Variants in BICD1 observed in about 807,000 individuals in gnomAD.
BICD1 encodes the protein BICD cargo adaptor 1.
In BICD1, 35 loss-of-function variants were observed where a neutral mutation model predicts 92.5. That is an observed-to-expected ratio of 0.38 (90% CI 0.29 to 0.50). BICD1 has a LOEUF of 0.50. BICD1 is among the 20% of genes least tolerant of loss of function. BICD1 has a pLI of 0.93. For synonymous variants in BICD1, 429 were observed against 465.1 expected, an observed-to-expected ratio of 0.92 and a Z score of 1.00; for missense variants, 950 against 1,189.8, an observed-to-expected ratio of 0.80 and a Z score of 2.97.
intron 2 of BICD1, among the ~76,000 whole-genome samples, chr12:32,252,295 G>A (rs1232581944): frequency 6.8e-6 from 1 of 147,548 alleles, no homozygotes; most frequent in Non-Finnish European, 1.5e-5. Context: ...GGAGGTTTTC[G>A]ATGGTCCTAG....
intron 8 of BICD1, among the ~76,000 whole-genome samples, chr12:32,359,809 A>G (rs1250722874): frequency 6.6e-6 from 1 of 152,178 alleles, no homozygotes; most frequent in Non-Finnish European, 1.5e-5. Context: ...CAAGTTAGCA[A>G]AGATAATAAC....
chr12:32,328,926 A>T lies in BICD1; in HGVS notation c.2100+371A>T, dbSNP rs1481289654. On this transcript the variant is annotated intron_variant, in intron 5 of 9. Transcript: ENST00000652176. This position sits in a 1 kb window ranked among gnomAD's most constrained non-coding sequence, Gnocchi z 4.4. ...TAGGCTGGCAAGGCAGGTTACACCA[A>T]CCAGGGCGATACAGCAAGAAAGACA... Among the ~76,000 whole-genome samples, 3 of 152,042 alleles carry T rather than the reference A, an allele frequency of 2.0e-5. No homozygotes were observed. Among genetic ancestry groups the T allele is most frequent in the African/African-American group, 7.2e-5 (3 of 41,390 alleles).
chr12:32,332,959 A>G (rs554087384), intron 5 of BICD1: 1 of 985,390 alleles, frequency 1.0e-6, no homozygotes. Flanking sequence ...AAAATTACTT[A>G]ATTCTGGAAA....
At chr12:32,309,019 A>T (rs1284317881) in intron 4 of BICD1, among the ~76,000 whole-genome samples, 1 of 152,200 alleles carries the variant, frequency 6.6e-6, no homozygotes, top group African/African-American at 2.4e-5. Context: ...GTTTTTAAAA[A>T]GCATGTCAGC....
Position 32,294,080 on chromosome 12 carries a change from C to T in BICD1, c.513C>T (p.Asp171=), listed in dbSNP as rs202181343. The change falls in exon 3 of 10, where the codon GAC becomes GAT. Residue 171 remains aspartate (D), a synonymous_variant. Transcript: ENST00000652176. The part of the protein sequence containing the change: ...YKFREARLLQ[D]YTELEEENIT... The stretch of plus-strand genomic sequence containing the variant: ...TCCGGGAGGCACGGCTCCTTCAGGA[C>T]TATACTGAATTGGAAGAAGAAAATA... 7.0e-5 allele frequency: 113 copies of T among 1,612,052 alleles called. No homozygotes were observed. Among genetic ancestry groups the T allele is most frequent in the Non-Finnish European group, 9.4e-5 (111 of 1,179,624 alleles).
At chr12:32,301,415 A>G (rs1014212159) in intron 3 of BICD1, among the ~76,000 whole-genome samples, 12 of 152,140 alleles carry the variant, frequency 7.9e-5, no homozygotes, top group Non-Finnish European at 5.9e-5. Flanking sequence ...AGTCAGTCAC[A>G]GGGCAGGAGC....
intron 1 of BICD1, among the ~76,000 whole-genome samples, chr12:32,161,605 A>G (rs1302902381): frequency 6.6e-6 from 1 of 152,220 alleles, no homozygotes; most frequent in Non-Finnish European, 1.5e-5. Flanking sequence ...AATTCTAGAA[A>G]TGCCTGATGG....
intron 2 of BICD1, among the ~76,000 whole-genome samples, chr12:32,226,332 A>G (rs907798830): frequency 6.6e-6 from 1 of 151,396 alleles, no homozygotes; most frequent in East Asian, 2.0e-4. Flanking sequence ...ACAGGGTTTC[A>G]CCATGTTGGT....
intron 1 of BICD1, among the ~76,000 whole-genome samples, chr12:32,159,125 G>T (rs1269619353): frequency 6.6e-6 from 1 of 151,960 alleles, no homozygotes; most frequent in Non-Finnish European, 1.5e-5. Flanking sequence ...ATAGAGACGG[G>T]GTTTCATCAC....
rs139793529 is a variant in BICD1, at chr12:32,370,013, C to T, written c.2840+2268C>T. 1.2e-3 allele frequency among the ~76,000 whole-genome samples: 177 copies of T among 152,326 alleles called. 2 individuals are homozygous for T. Among genetic ancestry groups the T allele is most frequent in the African/African-American group, 4.1e-3 (170 of 41,588 alleles). On this transcript the variant is annotated intron_variant, in intron 9 of 9. Transcript: ENST00000652176. The stretch of plus-strand genomic sequence containing the variant: ...TGATTGTTCCCACCACCTTCAGCAA[C>T]AGGGCTTTAAGAAAGGTTTTTCGCT...
intron 9 of BICD1, among the ~76,000 whole-genome samples, chr12:32,376,633 C>T (rs1345211158): frequency 6.6e-6 from 1 of 151,728 alleles, no homozygotes; most frequent in Non-Finnish European, 1.5e-5. Flanking sequence ...TTGGGGAGGC[C>T]GAGGCAGGTG....
intron 1 of BICD1, among the ~76,000 whole-genome samples, chr12:32,178,018 A>C (rs1161145952): frequency 2.0e-5 from 3 of 151,338 alleles, no homozygotes; most frequent in Non-Finnish European, 4.4e-5. Context: ...GATTATGGGC[A>C]TTTTTGTTTA....
rs576396740 is a variant in BICD1 at position 32,287,531 on chromosome 12, G to GTTTT, written c.427-6455_427-6452dup. On this transcript the variant is annotated intron_variant, in intron 2 of 9. Coordinates refer to ENST00000652176, the MANE Select transcript of BICD1 (RefSeq NM_001714.4). ...TTTGGGCTGTGCTCAGCTGGGTGGT[G>GTTTT]TTTTTTTTTTTGTTTTTTTTTTTGA... Among the ~76,000 whole-genome samples the GTTTT allele has an allele frequency of 3.4e-3, 410 of 120,114 alleles. 9 individuals are homozygous for GTTTT. Among genetic ancestry groups the GTTTT allele is most frequent in the East Asian group, 0.014 (63 of 4,526 alleles). The allele number at this position is 120,114 out of a possible 152,430, so 78.8% of individuals were successfully genotyped here.
intron 8 of BICD1, among the ~76,000 whole-genome samples, chr12:32,354,619 G>C (rs1165774816): frequency 6.6e-6 from 1 of 152,144 alleles, no homozygotes; most frequent in Non-Finnish European, 1.5e-5. Flanking sequence ...TCATCTGTGG[G>C]TACTTTTAGA....
At chr12:32,263,480 A>T (rs1353521360) in intron 2 of BICD1, among the ~76,000 whole-genome samples, 1 of 151,242 alleles carries the variant, frequency 6.6e-6, no homozygotes, top group Admixed American at 6.6e-5. Context: ...CGGGAGGCAG[A>T]GGTTGCAGTG....
chr12:32,312,352 T>C (rs1185272202), intron 4 of BICD1, among the ~76,000 whole-genome samples: 3 of 152,250 alleles, frequency 2.0e-5, no homozygotes, highest in Non-Finnish European at 2.9e-5. Flanking sequence ...GACTTCTGCA[T>C]TGAAGCCCTG....
At position 32,327,799 on chromosome 12, in the gene BICD1, C is replaced by A; in HGVS notation, c.1344C>A (p.Tyr448Ter). Reference protein sequence around the residue: ...KEKYNKSVENYTDEKAKYESK... With the variant: ...KEKYNKSVEN ...AATATAATAAATCTGTAGAAAACTA[C>A]ACTGATGAGAAGGCCAAGTATGAGA... The change falls in exon 5 of 10, where the codon TAC (tyrosine) becomes TAA (stop). Residue 448 changes from tyrosine to a stop codon, truncating the protein, a stop_gained. Coordinates refer to ENST00000652176, the MANE Select transcript of BICD1 (RefSeq NM_001714.4). LOFTEE classifies it high-confidence loss of function. 1 of 1,614,072 alleles carries A rather than the reference C, an allele frequency of 6.2e-7. No individual in the cohort carries two copies. The highest frequency in any genetic ancestry group is 8.5e-7 in the Non-Finnish European group (1 of 1,180,020).
intron 7 of BICD1, chr12:32,338,576 A>G (rs1038902692): frequency 2.0e-4 from 90 of 451,944 alleles, no homozygotes; most frequent in African/African-American, 1.8e-3. Flanking sequence ...ACTAACTGTA[A>G]TAAATCTTTT....
chr12:32,375,504 T>G (rs1939919855), intron 9 of BICD1, among the ~76,000 whole-genome samples: 3 of 152,192 alleles, frequency 2.0e-5, no homozygotes. Context: ...CACTCCTGCC[T>G]GGGCGACAGT....
Sources: allele counts gnomAD v4.1 joint callset (sites outside exome capture counted in the v4.1 genomes callset), GRCh38; gene constraint gnomAD v4.1.1; non-coding constraint Gnocchi (gnomAD v3.1); transcripts MANE v1.5; gene names NCBI Gene and HGNC (gene_info 2026-07-23, HGNC 2026-07-21).